The following MATN3 variants were observed in gnomAD, a reference collection of about 807,000 sequenced individuals.
The protein encoded by MATN3 is matrilin 3.
In MATN3, 48 loss-of-function variants were observed where a neutral mutation model predicts 45.3. That is an observed-to-expected ratio of 1.06 (90% CI 0.84 to 1.35). MATN3 has a LOEUF of 1.35. Among genes scored for constraint, MATN3 ranks in the 40% most tolerant of loss-of-function variants. The probability of loss-of-function intolerance (pLI) is 0.00; values close to 1 mark genes in which losing one functional copy is unlikely to be tolerated. For missense variants in MATN3, 599 were observed against 628.0 expected, an observed-to-expected ratio of 0.95 and a Z score of 0.49; for synonymous variants, 217 against 245.9, an observed-to-expected ratio of 0.88 and a Z score of 1.10.
chr2:19,992,705 T>G lies in MATN3; in HGVS notation c.*406A>C, dbSNP rs1463710338. ...TAAATACCTTGTACAATTTGCACTC[T>G]CAGTAATAAGATTGATTTATATTAT... On this transcript the variant is annotated 3_prime_UTR_variant, in exon 8 of 8. Coordinates refer to ENST00000407540, the MANE Select transcript of MATN3 (RefSeq NM_002381.5). The G allele has an allele frequency of 5.5e-6, 1 of 182,232 alleles. No individual in the cohort carries two copies. The highest frequency in any genetic ancestry group is 1.3e-4 in the South Asian group (1 of 7,822). The allele number at this position is 182,232 out of a possible 1,614,324, so 11.3% of individuals were successfully genotyped here.
Position 20,005,748 on chromosome 2 carries a change from G to A in MATN3, c.786C>T (p.Phe262=). Residue 262 remains phenylalanine (F), a synonymous_variant, in exon 2 of 8, where the codon TTC becomes TTT. Coordinates refer to ENST00000407540, the MANE Select transcript of MATN3 (RefSeq NM_002381.5). The part of the protein sequence containing the change: ...EKLSSRFQET[F]CALDPCVLGT... ...AGCAAAGACTGACCAACTTACCACA[G>A]AAGGTTTCCTGGAATCTAGAGGAAA... 1 of 1,594,930 alleles carries A rather than the reference G, an allele frequency of 6.3e-7. No individual in the cohort carries two copies. The highest frequency in any genetic ancestry group is 2.2e-5 in the East Asian group (1 of 44,492).
chr2:19,993,029 G>T lies in MATN3; in HGVS notation c.*82C>A. On this transcript the variant is annotated 3_prime_UTR_variant, in exon 8 of 8. Coordinates refer to ENST00000407540, the MANE Select transcript of MATN3 (RefSeq NM_002381.5). ...ATGGCAAATTATTAGCAGGAACATT[G>T]GCAATAACAGGTGTGCAAAAGAATG... The T allele has an allele frequency of 9.6e-7, 1 of 1,044,604 alleles. No individual in the cohort carries two copies. The highest frequency in any genetic ancestry group is 1.5e-6 in the Non-Finnish European group (1 of 668,404). 64.7% of individuals were successfully genotyped at this position (1,044,604 alleles called of 1,614,324 possible).
chr2:19,996,922 A>G (rs1008052618), intron 6 of MATN3, among the ~76,000 whole-genome samples: 1 of 152,248 alleles, frequency 6.6e-6, no homozygotes. Flanking sequence ...TTATTAAGAA[A>G]AATGTGAAAA....
intron 1 of MATN3, among the ~76,000 whole-genome samples, chr2:20,009,329 G>A (rs1186098833): frequency 2.0e-5 from 3 of 150,614 alleles, no homozygotes; most frequent in African/African-American, 7.3e-5. Flanking sequence ...GTCCTTTGCA[G>A]GGACATGGAT....
chr2:20,002,104 A>C (rs1672995867), intron 3 of MATN3, 24 bp from the exon 4 acceptor site: 1 of 1,605,058 alleles, frequency 6.2e-7, no homozygotes, highest in Non-Finnish European at 8.5e-7. Context: ...ATTGGGACAA[A>C]TGTAAATGCA....
At chr2:20,002,458 C>T (rs1460504409) in intron 3 of MATN3, among the ~76,000 whole-genome samples, 3 of 152,200 alleles carry the variant, frequency 2.0e-5, no homozygotes, top group Non-Finnish European at 2.9e-5. Flanking sequence ...GAGTACCCCT[C>T]TAACTTCTTT....
chr2:20,003,131 T>C, intron 3 of MATN3, 30 bp downstream of exon 3: 4 of 1,611,980 alleles, frequency 2.5e-6, no homozygotes, highest in Non-Finnish European at 3.4e-6. Context: ...AAGTATTTGA[T>C]TCAGTCACGG....
At position 19,995,096 on chromosome 2, in the gene MATN3, A is replaced by G. The variant is rs1672840397; in HGVS notation, c.1295-687T>C. 6.7e-6 allele frequency among the ~76,000 whole-genome samples: 1 copy of G among 148,890 alleles called. No individual in the cohort carries two copies. Among genetic ancestry groups the G allele is most frequent in the South Asian group, 2.1e-4 (1 of 4,666 alleles). Reference sequence around the variant, plus strand: ...CAGAGTAAGACCCTGTCTCTTAAAAATAAATAAATAAAAATAAAACTAGGA... The same window carrying G: ...CAGAGTAAGACCCTGTCTCTTAAAAGTAAATAAATAAAAATAAAACTAGGA... On this transcript the variant is annotated intron_variant, in intron 6 of 7. Transcript: ENST00000407540. This position sits in a 1 kb window ranked among gnomAD's most constrained non-coding sequence, Gnocchi z 4.2.
rs752742875 is a variant in MATN3 at position 19,997,219 on chromosome 2, G to A, written c.1209C>T (p.His403=). The part of the protein sequence containing the change: ...KCALGSHGCQ[H]ICVSDGAASY... ...ATGCGGCCCCATCACTCACACAAAT[G>A]TGCTGGCAACCATGAGAGCCTAGGG... is the stretch of plus-strand genomic sequence containing the variant. The change falls in exon 6 of 8, where the codon CAC becomes CAT. Residue 403 remains histidine (H), a synonymous_variant. Coordinates refer to ENST00000407540, the MANE Select transcript of MATN3 (RefSeq NM_002381.5). 2.5e-5 allele frequency: 40 copies of A among 1,613,574 alleles called. No individual in the cohort carries two copies. Among genetic ancestry groups the A allele is most frequent in the Non-Finnish European group, 3.4e-5 (40 of 1,179,762 alleles).
chr2:20,003,041 C>T, intron 3 of MATN3, 120 bp downstream of exon 3: 1 of 1,204,070 alleles, frequency 8.3e-7, no homozygotes, highest in Non-Finnish European at 1.2e-6. Context: ...CACCAGTAAA[C>T]CAGCCAAAAG....
rs1416575775 is a variant in MATN3 at position 19,992,228 on chromosome 2, A to G, written c.*883T>C. 6.6e-6 allele frequency: 1 copy of G among 152,162 alleles called. No individual in the cohort carries two copies. The highest frequency in any genetic ancestry group is 1.5e-5 in the Non-Finnish European group (1 of 68,006). 9.4% of individuals were successfully genotyped at this position (152,162 alleles called of 1,614,324 possible). On this transcript the variant is annotated 3_prime_UTR_variant, in exon 8 of 8. Coordinates refer to ENST00000407540, the MANE Select transcript of MATN3 (RefSeq NM_002381.5). ...TCAAAGTTGCAAGTTTCAAAGCCAA[A>G]AGAATTATATGTATCAAATATATAA...
intron 7 of MATN3, among the ~76,000 whole-genome samples, chr2:19,993,774 T>C (rs1052667404): frequency 2.0e-5 from 3 of 152,226 alleles, no homozygotes; most frequent in African/African-American, 7.2e-5. Flanking sequence ...GGAACAGAGT[T>C]GTTAACTTGA....
intron 6 of MATN3, among the ~76,000 whole-genome samples, chr2:19,996,515 C>G (rs1215771778): frequency 6.6e-6 from 1 of 152,010 alleles, no homozygotes; most frequent in Non-Finnish European, 1.5e-5. Context: ...TGTTGGCAAG[C>G]AAATTCTGAC....
intron 6 of MATN3, 40 bp from the exon 7 acceptor site, chr2:19,994,449 T>C (rs763766327): frequency 1.8e-6 from 2 of 1,106,124 alleles, no homozygotes; most frequent in South Asian, 1.3e-5. Context: ...TATCTAGGAA[T>C]AGCTATATAG....
chr2:20,010,594 C>A (rs548365509), intron 1 of MATN3, among the ~76,000 whole-genome samples: 1 of 152,234 alleles, frequency 6.6e-6, no homozygotes, highest in East Asian at 1.9e-4. Flanking sequence ...AAGGCCTCAA[C>A]CTGCTTTAGC....
At chr2:20,002,161 T>TACACACACACAC (rs35083474) in intron 3 of MATN3, 81 bp from the exon 4 acceptor site, 7,726 of 646,316 alleles carry the variant, frequency 0.012, 115 homozygotes, top group East Asian at 0.097. Flanking sequence ...CTTACAGTTA[T>TACACACACACAC]ACACACACAC....
intron 6 of MATN3, 134 bp downstream of exon 6, chr2:19,997,000 G>A (rs1267640843): frequency 1.2e-6 from 1 of 841,502 alleles, no homozygotes. Flanking sequence ...GTTTTATTCT[G>A]TAGACCAGTG....
chr2:20,002,646 C>T (rs1233119914), intron 3 of MATN3, among the ~76,000 whole-genome samples: 1 of 152,168 alleles, frequency 6.6e-6, no homozygotes, highest in African/African-American at 2.4e-5. Flanking sequence ...CCCTCTGTGG[C>T]AGTGCAGCAG....
chr2:20,002,575 A>T (rs1439504491), intron 3 of MATN3, among the ~76,000 whole-genome samples: 1 of 152,104 alleles, frequency 6.6e-6, no homozygotes, highest in Non-Finnish European at 1.5e-5. Flanking sequence ...AGGGCTAAGA[A>T]TCTTGGACCC....
Sources: gnomAD v4.1 joint callset for allele counts (sites outside exome capture counted in the v4.1 genomes callset) on GRCh38, gnomAD v4.1.1 for gene constraint, Gnocchi (gnomAD v3.1) non-coding constraint, MANE v1.5 for transcripts, NCBI Gene and HGNC (gene_info 2026-07-23, HGNC 2026-07-21) for gene names.